Variants in SECISBP2 observed in about 807,000 individuals in gnomAD.
SECISBP2 encodes selenocysteine insertion sequence-binding protein 2.
SECISBP2 carries 96 observed loss-of-function variants against 98.2 expected under a neutral mutation model. The ratio of observed to expected loss-of-function variants is 0.98; its 90% CI spans 0.83 to 1.16. The LOEUF (loss-of-function observed/expected upper bound fraction) is 1.16. SECISBP2 is among the 50% of genes most tolerant of loss of function. The probability of loss-of-function intolerance (pLI) is 0.00; values close to 1 mark genes in which losing one functional copy is unlikely to be tolerated. For synonymous variants in SECISBP2, 407 were observed against 370.2 expected (o/e 1.10, Z -1.14); for missense variants, 1,046 against 1,022.9 (o/e 1.02, Z -0.31).
chr9:89,325,626 C>G lies in SECISBP2; in HGVS notation c.382C>G (p.Arg128Gly). The G allele has an allele frequency of 6.2e-7, 1 of 1,614,086 alleles. No homozygotes were observed. Among genetic ancestry groups the G allele is most frequent in the Non-Finnish European group, 8.5e-7 (1 of 1,180,008 alleles). Residue 128 changes from arginine to glycine, a missense_variant, in exon 3 of 17, where the codon CGA (arginine) becomes GGA (glycine). Physicochemically the swap from Arg to Gly is moderately radical, Grantham distance 125 (BLOSUM62 -2). Transcript: ENST00000375807. ...CCGAGGTTTTCAAACAGTGAAGCAT[C>G]GAAATGAGAACACATGCCCTCTCCC... ...CYRGFQTVKH[R>G]NENTCPLPQE...
chr9:89,344,617 C>G (rs1039558775), intron 10 of SECISBP2, among the ~76,000 whole-genome samples: 9 of 152,156 alleles, frequency 5.9e-5, no homozygotes, highest in African/African-American at 2.2e-4. Flanking sequence ...TTCCTCGCTT[C>G]CTCCTTTACT....
chr9:89,325,893 G>A lies in SECISBP2; in HGVS notation c.433-4G>A. The A allele has an allele frequency of 1.9e-6, 3 of 1,613,334 alleles. No individual in the cohort carries two copies. The highest frequency in any genetic ancestry group is 2.5e-6 in the Non-Finnish European group (3 of 1,179,932). On this transcript the variant is annotated splice_region_variant and splice_polypyrimidine_tract_variant and intron_variant, in intron 3 of 16. Transcript: ENST00000375807. Reference sequence around the variant, plus strand: ...TTCATGTTGCTTTTTAATCTTTCCTGCAGAAGAAAACCTATGATGAGAAAA... The same window carrying A: ...TTCATGTTGCTTTTTAATCTTTCCTACAGAAGAAAACCTATGATGAGAAAA...
downstream of SECISBP2, chr9:89,364,178 C>A: frequency 1.2e-6 from 1 of 839,138 alleles, no homozygotes; most frequent in Non-Finnish European, 1.8e-6. Flanking sequence ...CCTTAATTGC[C>A]ATTTTTCAAA....
intron 4 of SECISBP2, among the ~76,000 whole-genome samples, chr9:89,326,855 A>G (rs1443989067): frequency 3.9e-5 from 6 of 152,206 alleles, no homozygotes; most frequent in Non-Finnish European, 4.4e-5. Context: ...ACATAGTGGT[A>G]AGTATTTGTG....
chr9:89,342,680 T>G (rs1399254715), intron 10 of SECISBP2, among the ~76,000 whole-genome samples: 2 of 152,158 alleles, frequency 1.3e-5, no homozygotes, highest in Non-Finnish European at 2.9e-5. Context: ...GAAACACAAC[T>G]ACTGTGTGAT....
At chr9:89,331,640 T>A (rs1425475367) in intron 5 of SECISBP2, among the ~76,000 whole-genome samples, 2 of 152,230 alleles carry the variant, frequency 1.3e-5, no homozygotes, top group Non-Finnish European at 2.9e-5. Context: ...CCTTCTGTCT[T>A]CATAACACAG....
intron 2 of SECISBP2, 82 bp downstream of exon 2, chr9:89,319,879 A>C: frequency 7.1e-7 from 1 of 1,404,394 alleles, no homozygotes; most frequent in Non-Finnish European, 1.0e-6. Flanking sequence ...CTCAGCAGTT[A>C]CTGCACTAAA....
chr9:89,363,482 C>T (rs13295305), downstream of SECISBP2: 231,894 of 1,613,984 alleles, frequency 0.14, 20,257 homozygotes, highest in Admixed American at 0.4. Context: ...AGCCACAGCC[C>T]TCCAGGCAGA....
chr9:89,352,836 T>G (rs1649649350), intron 14 of SECISBP2, among the ~76,000 whole-genome samples: 1 of 152,056 alleles, frequency 6.6e-6, no homozygotes, highest in African/African-American at 2.4e-5. Flanking sequence ...CCTCTGAAGA[T>G]TCCTTTTTTT....
chr9:89,362,166 G>A, downstream of SECISBP2: 1 of 617,186 alleles, frequency 1.6e-6, no homozygotes, highest in South Asian at 2.0e-5. Flanking sequence ...TACTGTCCCA[G>A]GTAAGCACCT....
At chr9:89,362,407 G>T (rs773185623), downstream of SECISBP2, 1 of 1,614,058 alleles carries the variant, frequency 6.2e-7, no homozygotes, top group Admixed American at 1.7e-5. Context: ...GGTGGCTACA[G>T]GGTGTCCTTG....
At position 89,332,898 on chromosome 9, in the gene SECISBP2, T is replaced by C. The variant is rs1406312219; in HGVS notation, c.802-10T>C. The stretch of plus-strand genomic sequence containing the variant: ...TTTCTCTGATGACATCTAATGTGTT[T>C]GCTTTTTAGGGTGAAATAGTGGTGA... On this transcript the variant is annotated splice_polypyrimidine_tract_variant and intron_variant, in intron 5 of 16. Transcript: ENST00000375807. The C allele has an allele frequency of 6.2e-7, 1 of 1,609,552 alleles. No homozygotes were observed.
chr9:89,363,717 A>G, downstream of SECISBP2: 4 of 1,607,456 alleles, frequency 2.5e-6, no homozygotes, highest in Non-Finnish European at 3.4e-6. Flanking sequence ...TAAAAGGGTA[A>G]CAGTGGGCAT....
intron 7 of SECISBP2, among the ~76,000 whole-genome samples, chr9:89,337,061 G>A (rs922304135): frequency 1.3e-5 from 2 of 152,054 alleles, no homozygotes; most frequent in Non-Finnish European, 1.5e-5. Context: ...GGCCTATGCC[G>A]CTGCACCTGG....
chr9:89,355,338 G>C, intron 14 of SECISBP2: 1 of 985,414 alleles, frequency 1.0e-6, no homozygotes, highest in South Asian at 4.7e-5. Flanking sequence ...AGCATATGCT[G>C]TGCCTTCCTC....
At chr9:89,335,039 C>T (rs1486518640) in intron 7 of SECISBP2, among the ~76,000 whole-genome samples, 1 of 151,848 alleles carries the variant, frequency 6.6e-6, no homozygotes, top group Non-Finnish European at 1.5e-5. Flanking sequence ...ACAGTGAAAC[C>T]CCATCTCTAC....
chr9:89,358,239 A>C (rs180829770), intron 16 of SECISBP2, 48 bp downstream of exon 16: 37 of 1,563,238 alleles, frequency 2.4e-5, no homozygotes, highest in South Asian at 2.1e-4. Flanking sequence ...CCTCTTATTT[A>C]CTGACTTTAA....
chr9:89,319,699 C>G lies in SECISBP2; in HGVS notation c.84C>G (p.Ala28=), dbSNP rs1388013853. Residue 28 remains alanine (A), a synonymous_variant, in exon 2 of 17, where the codon GCC becomes GCG. Coordinates refer to ENST00000375807, the MANE Select transcript of SECISBP2 (RefSeq NM_024077.5). ...TCAAACCATTTGTCCCCAGATTTGC[C>G]GGGCTCAATGTGGCATGGTTAGAGT... ...ADVKPFVPRF[A]GLNVAWLESS... is the part of the protein sequence containing the mutation. 3.7e-6 allele frequency: 6 copies of G among 1,614,010 alleles called. No individual in the cohort carries two copies. Among genetic ancestry groups the G allele is most frequent in the Non-Finnish European group, 5.1e-6 (6 of 1,180,030 alleles).
intron 4 of SECISBP2, among the ~76,000 whole-genome samples, chr9:89,327,524 T>G (rs1374427669): frequency 6.6e-6 from 1 of 152,202 alleles, no homozygotes; most frequent in Non-Finnish European, 1.5e-5. Flanking sequence ...TTTCTTTCTT[T>G]ACATCCTTAC....
Sources: allele counts gnomAD v4.1 joint callset (sites outside exome capture counted in the v4.1 genomes callset), GRCh38; gene constraint gnomAD v4.1.1; transcripts MANE v1.5; gene names NCBI Gene and HGNC (gene_info 2026-07-23, HGNC 2026-07-21).